Variants in PDLIM5 observed in about 807,000 individuals in gnomAD.
PDLIM5 encodes PDZ and LIM domain protein 5.
PDLIM5 carries 34 observed loss-of-function variants against 64.2 expected under a neutral mutation model. That is an observed-to-expected ratio of 0.53 (90% confidence interval 0.40 to 0.71). PDLIM5 has a LOEUF of 0.71. PDLIM5 is among the 30% of genes least tolerant of loss of function. PDLIM5 has a pLI of 0.00. For synonymous variants in PDLIM5, 253 were observed against 269.1 expected, an observed-to-expected ratio of 0.94 and a Z score of 0.59; for missense variants, 683 against 733.6, an observed-to-expected ratio of 0.93 and a Z score of 0.80.
chr4:94,580,815 A>G (rs890192835), intron 5 of PDLIM5, among the ~76,000 whole-genome samples: 6 of 151,978 alleles, frequency 3.9e-5, no homozygotes, highest in Non-Finnish European at 7.4e-5. Flanking sequence ...CTTTCCCTAT[A>G]TCATCTGCTT....
At chr4:94,559,441 C>G (rs1292440771) in intron 3 of PDLIM5, among the ~76,000 whole-genome samples, 1 of 152,174 alleles carries the variant, frequency 6.6e-6, no homozygotes, top group Non-Finnish European at 1.5e-5. Context: ...GGCAGAGATT[C>G]AACAAGAAGA....
rs372735372 is a variant in PDLIM5 at position 94,640,305 on chromosome 4, G to C, written c.1138G>C (p.Ala380Pro). The C allele has an allele frequency of 3.7e-6, 6 of 1,610,468 alleles. No individual in the cohort carries two copies. In the African/African-American group the frequency reaches 6.7e-5, roughly 18 times the overall value. Residue 380 changes from alanine (A) to proline (P), a missense_variant, in exon 9 of 13, where the codon GCT becomes CCT. Transcript: ENST00000317968. Reference sequence around the variant, plus strand: ...TTCCACTGGAAGAATCTCAAACAGCGCTACTTACTCAGGATCAGTGGCACC... The same window carrying C: ...TTCCACTGGAAGAATCTCAAACAGCCCTACTTACTCAGGATCAGTGGCACC... Reference protein sequence around the residue: ...VPSTGRISNSATYSGSVAPAN... With the variant: ...VPSTGRISNSPTYSGSVAPAN...
chr4:94,648,181 C>T (rs767557885), intron 9 of PDLIM5, among the ~76,000 whole-genome samples: 89 of 151,176 alleles, frequency 5.9e-4, no homozygotes, highest in Non-Finnish European at 1.1e-3. Flanking sequence ...TGAATGAAAT[C>T]GAGAATTTAA....
At chr4:94,585,937 C>T (rs1247337749) in intron 6 of PDLIM5, among the ~76,000 whole-genome samples, 200 bp downstream of exon 6, 2 of 151,936 alleles carry the variant, frequency 1.3e-5, no homozygotes, top group East Asian at 1.9e-4. Flanking sequence ...TTTGGGAGGC[C>T]GAGGCAGGCA....
rs57176960 is a variant in PDLIM5, at chr4:94,569,332, C to CGTTTGTTTGTTTGTTT, written c.249-4014_249-3999dup. 3.8e-4 allele frequency among the ~76,000 whole-genome samples: 57 copies of CGTTTGTTTGTTTGTTT among 151,532 alleles called. 1 individual carries two copies. Among genetic ancestry groups the CGTTTGTTTGTTTGTTT allele is most frequent in the Admixed American group, 1.2e-3 (18 of 15,240 alleles). On this transcript the variant is annotated intron_variant, in intron 3 of 12. Coordinates refer to ENST00000317968, the MANE Select transcript of PDLIM5 (RefSeq NM_006457.5). ...TTACCCCTTCGTTTGTTTGTTTGTT[C>CGTTTGTTTGTTTGTTT]GTTTGTTTGTTTGTTTGTTTAGACA...
chr4:94,579,740 A>G (rs1422064284), intron 5 of PDLIM5, among the ~76,000 whole-genome samples: 2 of 152,174 alleles, frequency 1.3e-5, no homozygotes, highest in East Asian at 1.9e-4. Flanking sequence ...AGTGTTTAAC[A>G]TAAGTCATAA....
intron 2 of PDLIM5, among the ~76,000 whole-genome samples, chr4:94,499,409 ATATATATTATAT>A (rs1727699729): frequency 1.3e-5 from 2 of 152,172 alleles, no homozygotes; most frequent in Admixed American, 1.3e-4. Flanking sequence ...TAGGTGAAAA[ATATATATTATAT>A]TAGTCTTCTA....
chr4:94,485,852 A>G (rs1390185699), intron 2 of PDLIM5, among the ~76,000 whole-genome samples: 1 of 150,360 alleles, frequency 6.7e-6, no homozygotes, highest in East Asian at 1.9e-4. Flanking sequence ...TCCGTCTCAA[A>G]AAAAAAAAAA....
intron 3 of PDLIM5, among the ~76,000 whole-genome samples, chr4:94,556,466 T>C (rs1000834858): frequency 9.2e-5 from 14 of 152,294 alleles, no homozygotes; most frequent in Middle Eastern, 3.4e-3. Flanking sequence ...TTCTAGATCC[T>C]TGAGGAATTG....
intron 2 of PDLIM5, among the ~76,000 whole-genome samples, chr4:94,466,766 G>GT (rs991223995): frequency 6.6e-6 from 1 of 152,206 alleles, no homozygotes; most frequent in Admixed American, 6.5e-5. Flanking sequence ...GTAAATGGCA[G>GT]TTTTAATAAT....
chr4:94,636,161 AT>A (rs1740541092), intron 8 of PDLIM5, among the ~76,000 whole-genome samples: 1 of 152,140 alleles, frequency 6.6e-6, no homozygotes, highest in South Asian at 2.1e-4. Context: ...GGCCAGATGG[AT>A]TATGTCCCAT....
In PDLIM5 at chr4:94,615,551, G is replaced by T. The variant is rs775139955; in HGVS notation, c.921-2453G>T. On this transcript the variant is annotated intron_variant, in intron 7 of 12. Transcript: ENST00000317968. ...GGTAGAATTGTGGACGACAGTAGGGGTGGCCAGAATATAGTTTGTATAGCA... is the reference window on the plus strand; with the variant it reads ...GGTAGAATTGTGGACGACAGTAGGGTTGGCCAGAATATAGTTTGTATAGCA... Among the ~76,000 whole-genome samples, 28 of 152,160 alleles carry T rather than the reference G, an allele frequency of 1.8e-4. 1 individual carries two copies. The highest frequency in any genetic ancestry group is 3.7e-4 in the Non-Finnish European group (25 of 68,026).
chr4:94,505,584 C>T (rs1728320229), intron 2 of PDLIM5, among the ~76,000 whole-genome samples: 1 of 152,036 alleles, frequency 6.6e-6, no homozygotes, highest in South Asian at 2.1e-4. Flanking sequence ...TATTTCTGAT[C>T]AACTGGCTAT....
chr4:94,607,335 G>A (rs973735656), intron 7 of PDLIM5, among the ~76,000 whole-genome samples: 1 of 150,444 alleles, frequency 6.6e-6, no homozygotes, highest in African/African-American at 2.5e-5. Context: ...TATACTTGGT[G>A]CTTTCTTTTT....
At position 94,571,973 on chromosome 4, in the gene PDLIM5, T is replaced by G. The variant is rs113845749; in HGVS notation, c.249-1378T>G. 5.6e-3 allele frequency among the ~76,000 whole-genome samples: 857 copies of G among 152,334 alleles called. 5 individuals are homozygous for G. Among genetic ancestry groups the G allele is most frequent in the Middle Eastern group, 0.014 (4 of 294 alleles). On this transcript the variant is annotated intron_variant, in intron 3 of 12. Coordinates refer to ENST00000317968, the MANE Select transcript of PDLIM5 (RefSeq NM_006457.5). ...TATTAACATCCATTGCTACCTCTCA[T>G]TAGGTTAGCCAATTCTCAGTGCTTG... is the stretch of plus-strand genomic sequence containing the variant.
intron 3 of PDLIM5, among the ~76,000 whole-genome samples, chr4:94,545,993 C>T (rs1416509864): frequency 6.6e-6 from 1 of 152,048 alleles, no homozygotes; most frequent in Non-Finnish European, 1.5e-5. Context: ...ATTGTCTATT[C>T]TATTTGTCTT....
chr4:94,603,793 C>G (rs1578454332), intron 7 of PDLIM5, among the ~76,000 whole-genome samples: 1 of 152,312 alleles, frequency 6.6e-6, no homozygotes, highest in Non-Finnish European at 1.5e-5. Context: ...GGCTAGGCAC[C>G]ATGGCCTTAG....
intron 9 of PDLIM5, among the ~76,000 whole-genome samples, chr4:94,650,685 A>G (rs1410211147): frequency 5.9e-5 from 9 of 152,190 alleles, no homozygotes; most frequent in Admixed American, 5.9e-4. Flanking sequence ...TAAGCATCAG[A>G]TTTTGAGGCT....
chr4:94,549,327 A>AT (rs2110205711), intron 3 of PDLIM5, among the ~76,000 whole-genome samples: 1 of 152,196 alleles, frequency 6.6e-6, no homozygotes, highest in African/African-American at 2.4e-5. Context: ...TCTCCTGTAG[A>AT]TTGCCTATTT....
Sources: gnomAD v4.1 joint callset for allele counts (sites outside exome capture counted in the v4.1 genomes callset) on GRCh38, gnomAD v4.1.1 for gene constraint, MANE v1.5 for transcripts, NCBI Gene and HGNC (gene_info 2026-07-23, HGNC 2026-07-21) for gene names.